Variants in MYO3B observed in about 807,000 individuals in gnomAD.
The protein encoded by MYO3B is myosin IIIB.
Under a neutral mutation model 174.6 loss-of-function variants are expected in MYO3B, and 156 were observed. The ratio of observed to expected loss-of-function variants is 0.89; its 90% CI spans 0.78 to 1.02. The LOEUF is 1.02. Ranked by LOEUF, MYO3B falls within the 50% of genes least tolerant of loss-of-function variation. The pLI, the probability that MYO3B is intolerant of heterozygous loss-of-function variation, is 0.00. For synonymous variants in MYO3B, 563 were observed against 569.1 expected (o/e 0.99, Z 0.15); for missense variants, 1,632 against 1,639.4 (o/e 1.00, Z 0.08).
chr2:170,548,859 TTC>T (rs1259915583), intron 32 of MYO3B, among the ~76,000 whole-genome samples: 4 of 152,168 alleles, frequency 2.6e-5, no homozygotes, highest in African/African-American at 9.7e-5. Flanking sequence ...ATGTGCCAGA[TTC>T]TCTGTTTAAT....
chr2:170,292,594 C>T (rs72889458), intron 7 of MYO3B, among the ~76,000 whole-genome samples: 46,455 of 151,872 alleles, frequency 0.31, 7,260 homozygotes, highest in South Asian at 0.43. Flanking sequence ...CACAAGGTTG[C>T]GGTTTCCTTT....
rs552594236 is a variant in MYO3B at position 170,416,818 on chromosome 2, G to GTTTTTTTTTTTTT, written c.2650+8985_2650+8997dup. Among the ~76,000 whole-genome samples the GTTTTTTTTTTTTT allele has an allele frequency of 2.6e-5, 3 of 116,120 alleles. No individual in the cohort carries two copies. The South Asian group carries it at 8.3e-4, about 32-fold the overall frequency. The allele number at this position is 116,120 out of a possible 152,430, so 76.2% of individuals were successfully genotyped here. Reference sequence around the variant, plus strand: ...CTTTCCCCAGATCTTTTTTTCTGTTGTTTTTTTTTTTTTTTTTTTTTTTGA... The same window carrying GTTTTTTTTTTTTT: ...CTTTCCCCAGATCTTTTTTTCTGTTGTTTTTTTTTTTTTTTTTTTTTTTTTTTTTTTTTTTTGA... On this transcript the variant is annotated intron_variant, in intron 22 of 34. Transcript: ENST00000408978.
At chr2:170,230,173 T>C (rs1490737937) in intron 6 of MYO3B, among the ~76,000 whole-genome samples, 1 of 149,978 alleles carries the variant, frequency 6.7e-6, no homozygotes, top group Non-Finnish European at 1.5e-5. Context: ...TTTTTTTTTT[T>C]GTTTTTTTTT....
intron 32 of MYO3B, among the ~76,000 whole-genome samples, chr2:170,569,290 G>C (rs4667643): frequency 0.098 from 14,793 of 151,646 alleles, 1,278 homozygotes; most frequent in East Asian, 0.49. Flanking sequence ...TCTCCCCAGA[G>C]CTAGGCAAAA....
In MYO3B at chr2:170,401,502, G is replaced by A; in HGVS notation, c.1940G>A (p.Ser647Asn). Reference protein sequence around the residue: ...LQNAASVLCISPEELQEALTS... With the variant: ...LQNAASVLCINPEELQEALTS... ...TCAGCTGCCTCTGTTCTGTGCATTA[G>A]CCCTGAAGAGCTCCAGGAGGCCCTC... The change falls in exon 18 of 35, where the codon AGC (serine) becomes AAC (asparagine). Residue 647 changes from serine to asparagine, a missense_variant. Transcript: ENST00000408978. The A allele has an allele frequency of 3.7e-6, 6 of 1,614,000 alleles. No homozygotes were observed. Among genetic ancestry groups the A allele is most frequent in the Non-Finnish European group, 5.1e-6 (6 of 1,179,934 alleles).
intron 6 of MYO3B, among the ~76,000 whole-genome samples, chr2:170,220,426 C>G (rs1042597385): frequency 6.6e-6 from 1 of 151,748 alleles, no homozygotes; most frequent in Non-Finnish European, 1.5e-5. Flanking sequence ...GTCAGGAGAT[C>G]GAGACCATCC....
At chr2:170,647,009 C>T in intron 32 of MYO3B, 2 of 928,112 alleles carry the variant, frequency 2.2e-6, no homozygotes, top group Non-Finnish European at 3.1e-6. Context: ...TACTGTCCAT[C>T]ATATGGAACG....
intron 9 of MYO3B, among the ~76,000 whole-genome samples, chr2:170,378,227 C>T (rs905395090): frequency 1.3e-5 from 2 of 152,124 alleles, no homozygotes; most frequent in East Asian, 3.8e-4. Context: ...TTTTTCTCTA[C>T]GATAGACCCT....
At chr2:170,271,559 G>T (rs1203477009) in intron 7 of MYO3B, among the ~76,000 whole-genome samples, 2 of 152,168 alleles carry the variant, frequency 1.3e-5, no homozygotes, top group African/African-American at 4.8e-5. Flanking sequence ...AGCTGCCTTT[G>T]CCTAAGTGTG....
chr2:170,635,103 C>T (rs762978428), intron 32 of MYO3B, among the ~76,000 whole-genome samples: 1 of 152,144 alleles, frequency 6.6e-6, no homozygotes, highest in Non-Finnish European at 1.5e-5. Flanking sequence ...CCAGGGATCC[C>T]ATTACTGGGT....
intron 8 of MYO3B, among the ~76,000 whole-genome samples, chr2:170,342,530 A>G (rs2093983796): frequency 1.1e-5 from 1 of 94,750 alleles, no homozygotes; most frequent in African/African-American, 3.4e-5. Context: ...TGGCTGTGTA[A>G]TCTTGGAAAG....
intron 6 of MYO3B, among the ~76,000 whole-genome samples, chr2:170,219,322 T>C (rs1489542197): frequency 6.6e-6 from 1 of 152,218 alleles, no homozygotes; most frequent in East Asian, 1.9e-4. Context: ...CTTAATATAG[T>C]GCTTGATACA....
At chr2:170,477,175 C>T (rs1224009560) in intron 25 of MYO3B, among the ~76,000 whole-genome samples, 1 of 152,132 alleles carries the variant, frequency 6.6e-6, no homozygotes, top group Non-Finnish European at 1.5e-5. Context: ...ACCTTGGGCC[C>T]TCCAGCCCCA....
At chr2:170,620,150 T>A (rs148641305) in intron 32 of MYO3B, among the ~76,000 whole-genome samples, 12 of 151,808 alleles carry the variant, frequency 7.9e-5, no homozygotes, top group African/African-American at 2.7e-4. Flanking sequence ...CTTTGGAGGG[T>A]TTCAAACAAA....
chr2:170,200,788 G>A (rs912414847), intron 3 of MYO3B, among the ~76,000 whole-genome samples: 9 of 152,172 alleles, frequency 5.9e-5, no homozygotes, highest in African/African-American at 1.7e-4. Context: ...GGCAGGATCA[G>A]GCAAGGGAGA....
chr2:170,271,688 T>A (rs1432476582), intron 7 of MYO3B, among the ~76,000 whole-genome samples: 1 of 152,216 alleles, frequency 6.6e-6, no homozygotes, highest in Non-Finnish European at 1.5e-5. Flanking sequence ...TGTGAAGGCA[T>A]GTATCAGTGC....
intron 8 of MYO3B, among the ~76,000 whole-genome samples, chr2:170,347,641 G>A (rs2094026896): frequency 6.6e-6 from 1 of 152,062 alleles, no homozygotes; most frequent in Admixed American, 6.6e-5. Context: ...TGGACTTTAG[G>A]CCTCACAGCT....
chr2:170,499,586 G>A, intron 26 of MYO3B, 60 bp from the exon 27 acceptor site: 3 of 1,455,670 alleles, frequency 2.1e-6, no homozygotes, highest in Non-Finnish European at 2.9e-6. Context: ...ATATGCTGTA[G>A]TAGAGTGAAT....
rs575812716 is a variant in MYO3B, at chr2:170,476,079, C to A, written c.3014+9368C>A. On this transcript the variant is annotated intron_variant, in intron 25 of 34. Coordinates refer to ENST00000408978, the MANE Select transcript of MYO3B (RefSeq NM_138995.5). Reference sequence around the variant, plus strand: ...GAAATGGGAGTGTTCCCTGTCCCCCCCCACAGGACATGCGACAAGGGTGTG... The same window carrying A: ...GAAATGGGAGTGTTCCCTGTCCCCCACCACAGGACATGCGACAAGGGTGTG... 1.6e-3 allele frequency among the ~76,000 whole-genome samples: 241 copies of A among 152,182 alleles called. 1 individual carries two copies. The highest frequency in any genetic ancestry group is 5.6e-3 in the African/African-American group (231 of 41,552).
Sources: gnomAD v4.1 joint callset for allele counts (sites outside exome capture counted in the v4.1 genomes callset) on GRCh38, gnomAD v4.1.1 for gene constraint, MANE v1.5 for transcripts, NCBI Gene and HGNC (gene_info 2026-07-23, HGNC 2026-07-21) for gene names.